Variants in DNER observed in about 807,000 individuals in gnomAD.
DNER encodes the protein delta/notch like EGF repeat containing.
DNER carries 33 observed loss-of-function variants against 78.2 expected under a neutral mutation model. That is an observed-to-expected ratio of 0.42 (90% confidence interval 0.32 to 0.56). The LOEUF (loss-of-function observed/expected upper bound fraction) is 0.56. Ranked by LOEUF, DNER falls within the 20% of genes least tolerant of loss-of-function variation. The pLI is 0.11. For synonymous variants in DNER, 417 were observed against 384.8 expected, an observed-to-expected ratio of 1.08 and a Z score of -0.98; for missense variants, 918 against 975.3, an observed-to-expected ratio of 0.94 and a Z score of 0.78.
chr2:229,615,553 CA>C (rs1231527958), intron 1 of DNER, among the ~76,000 whole-genome samples: 88 of 150,522 alleles, frequency 5.8e-4, no homozygotes, highest in African/African-American at 2.1e-3. Flanking sequence ...ACTAAAAATA[CA>C]AAAAAAAATT....
intron 1 of DNER, among the ~76,000 whole-genome samples, chr2:229,613,679 T>C (rs1698093804): frequency 1.3e-5 from 2 of 152,056 alleles, no homozygotes; most frequent in Admixed American, 1.3e-4. Flanking sequence ...ATTTTTTTTT[T>C]CTTTACTTTA....
chr2:229,582,483 C>A (rs1697417839), intron 4 of DNER, among the ~76,000 whole-genome samples: 1 of 151,808 alleles, frequency 6.6e-6, no homozygotes, highest in African/African-American at 2.4e-5. Flanking sequence ...ATAAAAGACC[C>A]AGAAAGCCCT....
intron 4 of DNER, among the ~76,000 whole-genome samples, chr2:229,581,338 A>G (rs531723322): frequency 3.1e-4 from 47 of 152,338 alleles, no homozygotes; most frequent in Non-Finnish European, 5.9e-4. Flanking sequence ...AATACGAAAC[A>G]TCCAGCAAAT....
intron 1 of DNER, among the ~76,000 whole-genome samples, chr2:229,631,549 T>G (rs1307784820): frequency 6.6e-6 from 1 of 152,194 alleles, no homozygotes; most frequent in Non-Finnish European, 1.5e-5. Flanking sequence ...ACTTCTTACT[T>G]TATGTACTCC....
intron 8 of DNER, among the ~76,000 whole-genome samples, chr2:229,435,531 A>T (rs551793821): frequency 1.3e-5 from 2 of 152,346 alleles, no homozygotes; most frequent in Non-Finnish European, 2.9e-5. Context: ...AATAAATAAA[A>T]CCACAAAGAT....
intron 9 of DNER, among the ~76,000 whole-genome samples, chr2:229,411,247 A>G (rs1475015649): frequency 6.6e-6 from 1 of 152,188 alleles, no homozygotes; most frequent in Non-Finnish European, 1.5e-5. Flanking sequence ...AAATTTCTGT[A>G]GCCTTTAAAA....
At chr2:229,494,527 A>T (rs1235868162) in intron 6 of DNER, among the ~76,000 whole-genome samples, 1 of 152,222 alleles carries the variant, frequency 6.6e-6, no homozygotes, top group Admixed American at 6.5e-5. Context: ...CTTTGGTATG[A>T]TGCTGTGCCC....
rs1480904376 is a variant in DNER at position 229,594,594 on chromosome 2, A to AAAC, written c.277-2707_277-2706insGTT. On this transcript the variant is annotated intron_variant, in intron 1 of 12. Transcript: ENST00000341772. Reference sequence around the variant, plus strand: ...AGAACAAGACTCCATCTCAAAAAAAAAAAACAAAACAAACAAACAAAAAAA... The same window carrying AAAC: ...AGAACAAGACTCCATCTCAAAAAAAAAACAAAACAAAACAAACAAACAAAAAAA... Among the ~76,000 whole-genome samples, 144 of 151,266 alleles carry AAAC rather than the reference A, an allele frequency of 9.5e-4. 2 individuals carry two copies. The highest frequency in any genetic ancestry group is 6.4e-3 in the East Asian group (33 of 5,144).
chr2:229,590,855 G>A (rs536081946), intron 2 of DNER, among the ~76,000 whole-genome samples: 12 of 152,322 alleles, frequency 7.9e-5, no homozygotes, highest in African/African-American at 2.4e-4. Flanking sequence ...GGTCTGGTAG[G>A]AGATGTTTGG....
chr2:229,507,887 G>C (rs554059165), intron 6 of DNER, among the ~76,000 whole-genome samples: 1 of 152,280 alleles, frequency 6.6e-6, no homozygotes, highest in Admixed American at 6.5e-5. Context: ...GAAAAGTAAA[G>C]TTTGAGAAAT....
intron 10 of DNER, among the ~76,000 whole-genome samples, chr2:229,406,978 C>T (rs776648322): frequency 2.6e-5 from 4 of 152,114 alleles, no homozygotes; most frequent in Non-Finnish European, 4.4e-5. Flanking sequence ...TAGTCCTAGC[C>T]TGGGAAAGGT....
chr2:229,524,222 C>T (rs969721517), intron 5 of DNER, among the ~76,000 whole-genome samples: 4 of 152,200 alleles, frequency 2.6e-5, no homozygotes, highest in African/African-American at 7.2e-5. Context: ...AGGGAAAACA[C>T]GACCTTGCTT....
In DNER at chr2:229,607,854, C is replaced by A. The variant is rs150323677; in HGVS notation, c.277-15966G>T. ...CCTGGCCAACATGATGAAACCCCAC[C>A]TCTACTAAAAATACAAAATTAACCG... On this transcript the variant is annotated intron_variant, in intron 1 of 12. Coordinates refer to ENST00000341772, the MANE Select transcript of DNER (RefSeq NM_139072.4). 1.9e-4 allele frequency among the ~76,000 whole-genome samples: 29 copies of A among 151,914 alleles called. No homozygotes were observed. In the East Asian group the frequency reaches 5.0e-3, roughly 26 times the overall value.
intron 4 of DNER, among the ~76,000 whole-genome samples, chr2:229,583,819 A>C (rs749638097): frequency 1.3e-5 from 2 of 152,190 alleles, no homozygotes; most frequent in Non-Finnish European, 2.9e-5. Context: ...TTTATCACAC[A>C]ATTTCTGATT....
chr2:229,368,249 G>A (rs557950196), intron 11 of DNER, among the ~76,000 whole-genome samples: 21 of 152,170 alleles, frequency 1.4e-4, no homozygotes, highest in African/African-American at 5.1e-4. Flanking sequence ...TGTGGTCCTG[G>A]CTACTCAGGA....
At chr2:229,657,525 T>C (rs1459072698) in intron 1 of DNER, among the ~76,000 whole-genome samples, 1 of 152,188 alleles carries the variant, frequency 6.6e-6, no homozygotes, top group East Asian at 1.9e-4. Context: ...CAACACTACA[T>C]GACATAAGTA....
intron 1 of DNER, among the ~76,000 whole-genome samples, chr2:229,687,580 C>A (rs1699507022): frequency 6.6e-6 from 1 of 152,060 alleles, no homozygotes. Context: ...TTTCCAACTT[C>A]TTTCTAAGGA....
intron 1 of DNER, among the ~76,000 whole-genome samples, chr2:229,669,212 G>C (rs938981114): frequency 1.3e-5 from 2 of 152,050 alleles, no homozygotes; most frequent in African/African-American, 4.8e-5. Context: ...ACCGGGGCCT[G>C]TTGTGGGGTT....
chr2:229,579,942 C>T (rs1344236242), intron 4 of DNER, among the ~76,000 whole-genome samples: 1 of 152,164 alleles, frequency 6.6e-6, no homozygotes, highest in African/African-American at 2.4e-5. Context: ...AGCACCAGGA[C>T]AGTCTTACTA....
Sources: gnomAD v4.1 joint callset for allele counts (sites outside exome capture counted in the v4.1 genomes callset) on GRCh38, gnomAD v4.1.1 for gene constraint, MANE v1.5 for transcripts, NCBI Gene and HGNC (gene_info 2026-07-23, HGNC 2026-07-21) for gene names.